SNTG1: variants seen among roughly 807,000 people sequenced by gnomAD.
SNTG1 encodes the protein syntrophin gamma 1, also known as gamma-1-syntrophin.
In SNTG1, 39 loss-of-function variants were observed where a neutral mutation model predicts 74.7. The ratio of observed to expected loss-of-function variants is 0.52; its 90% CI spans 0.40 to 0.68. The LOEUF is 0.68. Among genes scored for constraint, SNTG1 ranks in the 30% least tolerant of loss-of-function variants. SNTG1 has a pLI of 0.00. For missense variants in SNTG1, 685 were observed against 609.5 expected (o/e 1.12, Z -1.30); for synonymous variants, 254 against 217.1 (o/e 1.17, Z -1.49).
intron 18 of SNTG1, among the ~76,000 whole-genome samples, chr8:50,761,184 T>A (rs2095597745): frequency 6.6e-6 from 1 of 151,946 alleles, no homozygotes; most frequent in Non-Finnish European, 1.5e-5. Context: ...ACGATCAAGT[T>A]GGCTTTATCC....
intron 18 of SNTG1, among the ~76,000 whole-genome samples, chr8:50,777,620 TCACTGTTGG>T (rs1190804064): frequency 1.3e-5 from 2 of 149,492 alleles, no homozygotes; most frequent in Non-Finnish European, 2.9e-5. Flanking sequence ...CTATGTCATC[TCACTGTTGG>T]CATCTTTTGA....
At chr8:50,677,594 A>G (rs1372000776) in intron 15 of SNTG1, among the ~76,000 whole-genome samples, 1 of 151,974 alleles carries the variant, frequency 6.6e-6, no homozygotes, top group Non-Finnish European at 1.5e-5. Flanking sequence ...ATTTCTGTTT[A>G]CAGAAATGTT....
At chr8:50,240,602 A>G (rs1389227937) in intron 2 of SNTG1, among the ~76,000 whole-genome samples, 1 of 152,208 alleles carries the variant, frequency 6.6e-6, no homozygotes, top group African/African-American at 2.4e-5. Context: ...GATTAGCAGG[A>G]GAGGCGGGAA....
At chr8:50,403,221 A>T (rs2092828606) in intron 4 of SNTG1, among the ~76,000 whole-genome samples, 1 of 152,226 alleles carries the variant, frequency 6.6e-6, no homozygotes, top group Admixed American at 6.5e-5. Context: ...CCTTATTAAC[A>T]GACTTACCTT....
intron 13 of SNTG1, among the ~76,000 whole-genome samples, chr8:50,609,474 T>C (rs1425913367): frequency 1.3e-5 from 2 of 152,154 alleles, no homozygotes; most frequent in African/African-American, 2.4e-5. Context: ...TCTTTTATCT[T>C]TGTCTTCCAG....
intron 11 of SNTG1, among the ~76,000 whole-genome samples, chr8:50,541,694 T>A (rs1056449857): frequency 2.6e-5 from 4 of 152,092 alleles, no homozygotes; most frequent in Non-Finnish European, 5.9e-5. Flanking sequence ...AGCTATTTTT[T>A]AAAAATATAC....
At chr8:50,217,602 C>A (rs2084856276) in intron 2 of SNTG1, among the ~76,000 whole-genome samples, 1 of 151,248 alleles carries the variant, frequency 6.6e-6, no homozygotes. Flanking sequence ...ATTACAGGAT[C>A]TAGAATCAAC....
At chr8:50,512,844 C>T (rs2094094873) in intron 9 of SNTG1, among the ~76,000 whole-genome samples, 1 of 152,032 alleles carries the variant, frequency 6.6e-6, no homozygotes, top group Admixed American at 6.6e-5. Flanking sequence ...TTTTTAACTT[C>T]TTTGCCATGG....
chr8:50,763,797 AT>A (rs1031010827), intron 18 of SNTG1, among the ~76,000 whole-genome samples: 16 of 148,628 alleles, frequency 1.1e-4, no homozygotes, highest in African/African-American at 3.7e-4. Context: ...GATTCATTAA[AT>A]TTTTTACCAA....
At chr8:50,643,622 C>G (rs771109875) in intron 13 of SNTG1, among the ~76,000 whole-genome samples, 10 of 152,188 alleles carry the variant, frequency 6.6e-5, no homozygotes, top group South Asian at 4.1e-4. Context: ...ACTTCTTTTC[C>G]ACTTGAAGCA....
At chr8:50,749,203 G>A (rs1234368699) in intron 17 of SNTG1, among the ~76,000 whole-genome samples, 2 of 152,010 alleles carry the variant, frequency 1.3e-5, no homozygotes, top group Non-Finnish European at 2.9e-5. Flanking sequence ...TCATGGTATG[G>A]ATAGATCAAA....
chr8:49,992,633 C>T (rs1813801545), intron 1 of SNTG1, among the ~76,000 whole-genome samples: 1 of 152,110 alleles, frequency 6.6e-6, no homozygotes, highest in African/African-American at 2.4e-5. Context: ...TTGGAAGAAA[C>T]TTAAATTGCC....
At chr8:50,411,278 C>G (rs537668004) in intron 4 of SNTG1, among the ~76,000 whole-genome samples, 24 of 152,054 alleles carry the variant, frequency 1.6e-4, no homozygotes, top group African/African-American at 5.8e-4. Flanking sequence ...GAAACCCCTT[C>G]TCTACTAAAA....
chr8:50,597,571 T>C (rs1323823350), intron 13 of SNTG1, among the ~76,000 whole-genome samples: 1 of 151,840 alleles, frequency 6.6e-6, no homozygotes, highest in Non-Finnish European at 1.5e-5. Context: ...GAGTGTATAC[T>C]CAGTAATGGA....
At chr8:50,053,230 G>T (rs1439624165) in intron 1 of SNTG1, among the ~76,000 whole-genome samples, 1 of 152,068 alleles carries the variant, frequency 6.6e-6, no homozygotes, top group Non-Finnish European at 1.5e-5. Context: ...GCTTTTACAA[G>T]GGAATAGTCT....
rs200225245 is a variant in SNTG1 at position 50,650,657 on chromosome 8, CT to C, written c.850-6251del. On this transcript the variant is annotated intron_variant, in intron 13 of 18. Coordinates refer to ENST00000642720, the MANE Select transcript of SNTG1 (RefSeq NM_018967.5). ...ATTTAAAACAAATTTCTTTCTGCAT[CT>C]ATTCTGACATTTGTCTAAGAATTAA... Among the ~76,000 whole-genome samples the C allele has an allele frequency of 9.9e-3, 1,505 of 152,230 alleles. 31 individuals are homozygous for C. The highest frequency in any genetic ancestry group is 0.033 in the African/African-American group (1,391 of 41,550).
Position 50,223,382 on chromosome 8 carries a change from A to T in SNTG1, c.-28+50747A>T, listed in dbSNP as rs539614072. ...TGATCTCCTAATAGAAAAGGAATATAAAAATATGCAATTTTAATCAAATAC... is the reference window on the plus strand; with the variant it reads ...TGATCTCCTAATAGAAAAGGAATATTAAAATATGCAATTTTAATCAAATAC... On this transcript the variant is annotated intron_variant, in intron 2 of 18. Transcript: ENST00000642720. 4.5e-4 allele frequency among the ~76,000 whole-genome samples: 68 copies of T among 152,312 alleles called. No homozygotes were observed. In the South Asian group the frequency reaches 0.013, roughly 29 times the overall value.
chr8:50,385,753 C>T (rs2131261054), intron 2 of SNTG1, among the ~76,000 whole-genome samples: 1 of 152,252 alleles, frequency 6.6e-6, no homozygotes, highest in South Asian at 2.1e-4. Flanking sequence ...AGGGATTTGG[C>T]AGGTCAATAG....
intron 4 of SNTG1, among the ~76,000 whole-genome samples, chr8:50,408,539 G>C (rs943132613): frequency 1.3e-5 from 2 of 152,258 alleles, no homozygotes; most frequent in Admixed American, 6.5e-5. Flanking sequence ...CTCTGTATCT[G>C]CACCAAGGCA....
Sources: allele counts gnomAD v4.1 joint callset (sites outside exome capture counted in the v4.1 genomes callset), GRCh38; gene constraint gnomAD v4.1.1; transcripts MANE v1.5; gene names NCBI Gene and HGNC (gene_info 2026-07-23, HGNC 2026-07-21).